KLHDC4: variants seen among roughly 807,000 people sequenced by gnomAD.
KLHDC4 encodes the protein kelch domain-containing protein 4.
A neutral mutation model predicts 62.4 loss-of-function variants in KLHDC4; 90 were observed. The ratio of observed to expected loss-of-function variants is 1.44; its 90% CI spans 1.22 to 1.72. The LOEUF (loss-of-function observed/expected upper bound fraction) is 1.72. KLHDC4 is among the 40% of genes most tolerant of loss of function. The pLI, the probability that KLHDC4 is intolerant of heterozygous loss-of-function variation, is 0.00. For missense variants in KLHDC4, 1,025 were observed against 699.7 expected, an observed-to-expected ratio of 1.47 and a Z score of -5.25; for synonymous variants, 386 against 284.4, an observed-to-expected ratio of 1.36 and a Z score of -3.59.
chr16:87,730,441 G>A (rs1370676952), intron 6 of KLHDC4, 111 bp downstream of exon 6: 11 of 906,346 alleles, frequency 1.2e-5, no homozygotes, highest in Non-Finnish European at 1.9e-5. Context: ...TCATGAAGCT[G>A]GATTTGGGAG....
intron 4 of KLHDC4, among the ~76,000 whole-genome samples, chr16:87,753,824 T>A (rs2044413896): frequency 1.4e-5 from 2 of 142,744 alleles, no homozygotes; most frequent in East Asian, 2.2e-4. Context: ...AAAAAAAAAA[T>A]TAGCCAAGCG....
At chr16:87,720,082 C>A (rs2037953758) in intron 7 of KLHDC4, among the ~76,000 whole-genome samples, 1 of 152,220 alleles carries the variant, frequency 6.6e-6, no homozygotes, top group South Asian at 2.1e-4. Flanking sequence ...GCTCACCCGG[C>A]TGTCGGCTCA....
At chr16:87,720,846 C>T (rs2038151529) in intron 7 of KLHDC4, among the ~76,000 whole-genome samples, 1 of 152,254 alleles carries the variant, frequency 6.6e-6, no homozygotes. Flanking sequence ...TTTGGGGACA[C>T]TGCTGTCGCG....
chr16:87,703,815 G>C (rs186541401), downstream of KLHDC4, among the ~76,000 whole-genome samples: 1 of 152,220 alleles, frequency 6.6e-6, no homozygotes, highest in Non-Finnish European at 1.5e-5. Context: ...TGTGCCTCGG[G>C]ACACCAGTGA....
chr16:87,705,987 C>T (rs1170575759), downstream of KLHDC4, among the ~76,000 whole-genome samples: 1 of 151,494 alleles, frequency 6.6e-6, no homozygotes, highest in African/African-American at 2.4e-5. Flanking sequence ...CGGTGCAACA[C>T]AAACACAAGC....
intron 8 of KLHDC4, among the ~76,000 whole-genome samples, chr16:87,713,939 G>C (rs1003419437): frequency 5.3e-5 from 8 of 152,112 alleles, no homozygotes; most frequent in African/African-American, 1.7e-4. Flanking sequence ...AGCTGACAGA[G>C]GCCACGGCCG....
At chr16:87,751,858 G>T (rs984841288) in intron 4 of KLHDC4, among the ~76,000 whole-genome samples, 6 of 151,696 alleles carry the variant, frequency 4.0e-5, no homozygotes, top group African/African-American at 1.5e-4. Flanking sequence ...CGGATCACGA[G>T]GCCAGGAGAT....
At chr16:87,713,108 G>A (rs997721886) in intron 8 of KLHDC4, among the ~76,000 whole-genome samples, 3 of 152,030 alleles carry the variant, frequency 2.0e-5, no homozygotes, top group African/African-American at 7.2e-5. Flanking sequence ...CTCAGCTGAC[G>A]GCAGCCTCCA....
chr16:87,739,357 C>G (rs865847890), intron 5 of KLHDC4, among the ~76,000 whole-genome samples: 22 of 123,414 alleles, frequency 1.8e-4, no homozygotes, highest in East Asian at 9.1e-4. Flanking sequence ...ACACCAGCAT[C>G]TCATCCATCC....
chr16:87,746,935 T>C (rs1017753922), intron 5 of KLHDC4, among the ~76,000 whole-genome samples: 10 of 152,218 alleles, frequency 6.6e-5, no homozygotes, highest in Admixed American at 6.5e-4. Flanking sequence ...CTGCCACGGA[T>C]GTCCCGCGTA....
intron 4 of KLHDC4, among the ~76,000 whole-genome samples, chr16:87,749,034 A>G (rs2043481958): frequency 6.6e-6 from 1 of 150,986 alleles, no homozygotes; most frequent in African/African-American, 2.4e-5. Flanking sequence ...ACCTTCATGT[A>G]TCCCTAGGTT....
Position 87,724,186 on chromosome 16 carries a change from G to A in KLHDC4, c.759+2579C>T, listed in dbSNP as rs369729200. Reference sequence around the variant, plus strand: ...TGCTGAGACAAGTGAGTATCTACATGGGGGAAACAGCCTCAACACTCACCT... The same window carrying A: ...TGCTGAGACAAGTGAGTATCTACATAGGGGAAACAGCCTCAACACTCACCT... On this transcript the variant is annotated intron_variant, in intron 7 of 11. Transcript: ENST00000270583. 1.1e-3 allele frequency among the ~76,000 whole-genome samples: 174 copies of A among 152,224 alleles called. 4 individuals are homozygous for A. In the South Asian group the frequency reaches 0.021, roughly 18 times the overall value.
intron 5 of KLHDC4, among the ~76,000 whole-genome samples, chr16:87,744,320 CAGG>C (rs1309617960): frequency 1.3e-5 from 2 of 151,708 alleles, no homozygotes; most frequent in South Asian, 2.1e-4. Flanking sequence ...GAAGCTGAGG[CAGG>C]AGAATTGCTT....
At chr16:87,702,497 C>T (rs1010705327) in exon 1 of KLHDC4, 6 of 358,086 alleles carry the variant, frequency 1.7e-5, no homozygotes, top group Non-Finnish European at 2.8e-5. Context: ...ACTTCTCCGG[C>T]AGCAACTTCC....
chr16:87,738,358 C>CAG (rs1491526178), intron 5 of KLHDC4, among the ~76,000 whole-genome samples: 1 of 80,546 alleles, frequency 1.2e-5, no homozygotes, highest in Non-Finnish European at 2.4e-5. Flanking sequence ...CACGGACGTG[C>CAG]ACACACACAC....
At chr16:87,751,048 T>G (rs1040417570) in intron 4 of KLHDC4, 6 of 152,208 alleles carry the variant, frequency 3.9e-5, no homozygotes, top group African/African-American at 1.4e-4. Context: ...ACACAGTAAA[T>G]AGAGTTTTAA....
downstream of KLHDC4, among the ~76,000 whole-genome samples, chr16:87,704,342 G>T (rs935869729): frequency 1.4e-5 from 2 of 144,670 alleles, 1 homozygote. Flanking sequence ...CCTGGGGAGG[G>T]TCTTGAATGT....
At chr16:87,763,653 AT>A (rs2143511791) in intron 1 of KLHDC4, 1 of 152,356 alleles carries the variant, frequency 6.6e-6, no homozygotes, top group South Asian at 2.1e-4. Flanking sequence ...CATACTGTAT[AT>A]TCTTTCAACT....
chr16:87,748,728 G>C lies in KLHDC4; in HGVS notation c.451C>G (p.His151Asp). 6.2e-7 allele frequency: 1 copy of C among 1,613,514 alleles called. No homozygotes were observed. Among genetic ancestry groups the C allele is most frequent in the South Asian group, 1.1e-5 (1 of 91,006 alleles). ...FASPNGEQFYHYKDLWVLHLA... is the reference protein window; with the variant it reads ...FASPNGEQFYDYKDLWVLHLA... ...TGCAGGACCCAGAGATCCTTGTAGT[G>C]GTAGAACTGCTCTCCGTTGGGAGAG... Residue 151 changes from histidine to aspartate, a missense_variant, in exon 5 of 12, where the codon CAC becomes GAC. His to Asp is a moderately conservative substitution (Grantham distance 81). Coordinates refer to ENST00000270583, the MANE Select transcript of KLHDC4 (RefSeq NM_017566.4).
Sources: allele counts gnomAD v4.1 joint callset (sites outside exome capture counted in the v4.1 genomes callset), GRCh38; gene constraint gnomAD v4.1.1; transcripts MANE v1.5; gene names NCBI Gene and HGNC (gene_info 2026-07-23, HGNC 2026-07-21).